Variants in PAFAH1B1 observed in about 807,000 individuals in gnomAD.
PAFAH1B1 encodes platelet-activating factor acetylhydrolase IB subunit beta.
PAFAH1B1 carries 2 observed loss-of-function variants against 57.5 expected under a neutral mutation model. That is an observed-to-expected ratio of 0.03 (90% confidence interval 0.01 to 0.11). The LOEUF (loss-of-function observed/expected upper bound fraction) is 0.11. PAFAH1B1 is among the 10% of genes least tolerant of loss of function. The pLI is 1.00. For missense variants in PAFAH1B1, 257 were observed against 512.0 expected (o/e 0.50, Z 4.81); for synonymous variants, 152 against 169.6 (o/e 0.90, Z 0.81).
At chr17:2,657,806 A>G (rs1158621670) in intron 2 of PAFAH1B1, among the ~76,000 whole-genome samples, 1 of 152,214 alleles carries the variant, frequency 6.6e-6, no homozygotes, top group Non-Finnish European at 1.5e-5. Context: ...GGGACCATAT[A>G]TAACTTAACC....
chr17:2,614,140 C>T (rs1342336601), intron 1 of PAFAH1B1, among the ~76,000 whole-genome samples: 2 of 150,006 alleles, frequency 1.3e-5, no homozygotes, highest in Non-Finnish European at 2.9e-5. Flanking sequence ...GCTATCCTCC[C>T]ACCTTAGCCT....
chr17:2,663,429 G>A (rs2151656943), intron 2 of PAFAH1B1, among the ~76,000 whole-genome samples: 1 of 152,106 alleles, frequency 6.6e-6, no homozygotes, highest in African/African-American at 2.4e-5. Flanking sequence ...GCTCTGATAG[G>A]CAGGCTGGAA....
intron 1 of PAFAH1B1, among the ~76,000 whole-genome samples, chr17:2,627,977 G>C (rs558819644): frequency 1.2e-4 from 19 of 152,316 alleles, no homozygotes; most frequent in African/African-American, 4.6e-4. Flanking sequence ...GGAGCTATCT[G>C]AGGAGTCTTT....
intron 1 of PAFAH1B1, among the ~76,000 whole-genome samples, chr17:2,605,729 TATA>T (rs2068198084): frequency 6.6e-6 from 1 of 152,252 alleles, no homozygotes; most frequent in Non-Finnish European, 1.5e-5. Context: ...TTCGTAATCT[TATA>T]ATAAGTACCT....
In PAFAH1B1 at chr17:2,593,697, G is replaced by C. The variant is rs1241114474; in HGVS notation, c.-500G>C. On this transcript the variant is annotated 5_prime_UTR_variant, in exon 1 of 11. Coordinates refer to ENST00000397195, the MANE Select transcript of PAFAH1B1 (RefSeq NM_000430.4). ...GGGGCGGCGGCGGAGTCCGGCGGCC[G>C]GGAGAGCGAGTGAGCGAGCGGAGGA... is the stretch of plus-strand genomic sequence containing the variant. The C allele has an allele frequency of 3.2e-5, 9 of 280,892 alleles. No individual in the cohort carries two copies. The East Asian group carries it at 5.1e-4, about 16-fold the overall frequency. The allele number at this position is 280,892 out of a possible 1,614,324, so 17.4% of individuals were successfully genotyped here.
chr17:2,595,980 A>T (rs1399360593), intron 1 of PAFAH1B1, among the ~76,000 whole-genome samples: 1 of 152,200 alleles, frequency 6.6e-6, no homozygotes, highest in African/African-American at 2.4e-5. Context: ...GCCCTTTCAC[A>T]GCGTCTTTCT....
chr17:2,631,153 A>C (rs1225363467), intron 1 of PAFAH1B1, among the ~76,000 whole-genome samples: 2 of 152,048 alleles, frequency 1.3e-5, no homozygotes, highest in Non-Finnish European at 2.9e-5. Flanking sequence ...AGGCAGGGGA[A>C]TCACTAGAAC....
intron 1 of PAFAH1B1, among the ~76,000 whole-genome samples, chr17:2,606,413 TGGA>T (rs757842260): frequency 9.8e-5 from 15 of 152,298 alleles, no homozygotes; most frequent in Middle Eastern, 3.4e-3. Context: ...TCGCCCAGGC[TGGA>T]GTGCAATGAC....
intron 1 of PAFAH1B1, among the ~76,000 whole-genome samples, chr17:2,634,576 G>A (rs1487254465): frequency 6.6e-6 from 1 of 151,954 alleles, no homozygotes; most frequent in African/African-American, 2.4e-5. Context: ...ATTTACTCCT[G>A]TTGTCCTAAT....
intron 5 of PAFAH1B1, 59 bp downstream of exon 5, chr17:2,667,257 C>T (rs2069118170): frequency 7.5e-7 from 1 of 1,340,334 alleles, no homozygotes; most frequent in East Asian, 2.3e-5. Context: ...TGGCATGAAC[C>T]CGGGAGGCGG....
intron 5 of PAFAH1B1, among the ~76,000 whole-genome samples, chr17:2,668,283 C>T (rs2069135445): frequency 1.3e-5 from 2 of 149,500 alleles, no homozygotes; most frequent in South Asian, 4.1e-4. Context: ...AAGATCGCTC[C>T]ACTGCACTCC....
At chr17:2,614,092 C>T (rs913399451) in intron 1 of PAFAH1B1, 53 of 123,560 alleles carry the variant, frequency 4.3e-4, no homozygotes, top group Non-Finnish European at 4.6e-4. Context: ...GTGATGTGAT[C>T]ACAGTTCACT....
intron 2 of PAFAH1B1, among the ~76,000 whole-genome samples, chr17:2,664,407 CT>C (rs529716131): frequency 0.1 from 13,907 of 135,898 alleles, 733 homozygotes; most frequent in African/African-American, 0.18. Context: ...CACACCTGGC[CT>C]TTTTTTTTTT....
intron 1 of PAFAH1B1, among the ~76,000 whole-genome samples, chr17:2,595,285 TG>T (rs1157022699): frequency 1.3e-5 from 2 of 152,214 alleles, no homozygotes; most frequent in Non-Finnish European, 2.9e-5. Flanking sequence ...GTGCCATTTT[TG>T]GCAATTCTGT....
chr17:2,606,315 G>A (rs997937771), intron 1 of PAFAH1B1, among the ~76,000 whole-genome samples: 1 of 152,050 alleles, frequency 6.6e-6, no homozygotes. Context: ...CTGTCAGAAA[G>A]CCTATCATGA....
At chr17:2,668,423 A>G (rs559610363) in intron 5 of PAFAH1B1, among the ~76,000 whole-genome samples, 1 of 152,154 alleles carries the variant, frequency 6.6e-6, no homozygotes, top group Non-Finnish European at 1.5e-5. Flanking sequence ...GTGGTAGCTC[A>G]TGCCTATAGT....
intron 9 of PAFAH1B1, chr17:2,679,678 A>G (rs2069346786): frequency 1.1e-5 from 2 of 189,276 alleles, no homozygotes; most frequent in South Asian, 2.0e-4. Context: ...GGATATATAG[A>G]TATATAGTGA....
intron 1 of PAFAH1B1, among the ~76,000 whole-genome samples, chr17:2,607,349 TG>T (rs1011091445): frequency 3.3e-5 from 5 of 151,524 alleles, no homozygotes; most frequent in African/African-American, 1.2e-4. Context: ...GATTTTTTTT[TG>T]TATTTTAGTA....
chr17:2,680,022 C>A, intron 9 of PAFAH1B1, 142 bp from the exon 10 acceptor site: 1 of 779,666 alleles, frequency 1.3e-6, no homozygotes. Flanking sequence ...TTTTCAGTTT[C>A]CTTTAATCTA....
Sources: allele counts gnomAD v4.1 joint callset (sites outside exome capture counted in the v4.1 genomes callset), GRCh38; gene constraint gnomAD v4.1.1; transcripts MANE v1.5; gene names NCBI Gene and HGNC (gene_info 2026-07-23, HGNC 2026-07-21).